The following GSDMC variants were observed in gnomAD, a reference collection of about 807,000 sequenced individuals.
The protein encoded by GSDMC is gasdermin C.
In GSDMC, 59 loss-of-function variants were observed where a neutral mutation model predicts 58.0. The observed-to-expected ratio is 1.02, with a 90% CI of 0.82 to 1.26. The LOEUF (loss-of-function observed/expected upper bound fraction) is 1.26. Among genes scored for constraint, GSDMC ranks in the 50% most tolerant of loss-of-function variants. The pLI, the probability that GSDMC is intolerant of heterozygous loss-of-function variation, is 0.00. For missense variants in GSDMC, 659 were observed against 598.5 expected, an observed-to-expected ratio of 1.10 and a Z score of -1.06; for synonymous variants, 241 against 220.2, an observed-to-expected ratio of 1.09 and a Z score of -0.83.
At chr8:129,769,851 T>C (rs2033992146) in intron 3 of GSDMC, among the ~76,000 whole-genome samples, 1 of 152,158 alleles carries the variant, frequency 6.6e-6, no homozygotes, top group Admixed American at 6.5e-5. Context: ...AAACAAAAGC[T>C]GAGGAAGTTC....
chr8:129,714,242 G>C, the GSDMC span, among the ~76,000 whole-genome samples: 1 of 152,216 alleles, frequency 6.6e-6, no homozygotes, highest in Non-Finnish European at 1.5e-5. Flanking sequence ...TGAGCTGCCA[G>C]TGCTGGGAGG....
chr8:129,752,830 G>A lies in GSDMC; in HGVS notation c.722-10C>T. On this transcript the variant is annotated splice_polypyrimidine_tract_variant and intron_variant, in intron 6 of 13. Transcript: ENST00000276708. Reference sequence around the variant, plus strand: ...TCGGAAATTTCGTACTCTTGGGAGAGAGGGAGAGCAGAATGACTGGGTAAC... The same window carrying A: ...TCGGAAATTTCGTACTCTTGGGAGAAAGGGAGAGCAGAATGACTGGGTAAC... 2 of 1,614,120 alleles carry A rather than the reference G, an allele frequency of 1.2e-6. No homozygotes were observed. Among genetic ancestry groups the A allele is most frequent in the Non-Finnish European group, 1.7e-6 (2 of 1,179,974 alleles).
the GSDMC span, among the ~76,000 whole-genome samples, chr8:129,713,420 G>A: frequency 1.3e-5 from 2 of 152,072 alleles, no homozygotes; most frequent in African/African-American, 2.4e-5. Context: ...AGGGAGGAAC[G>A]CCCTGTCTCA....
chr8:129,765,511 C>T, intron 4 of GSDMC, 117 bp downstream of exon 4: 1 of 765,768 alleles, frequency 1.3e-6, no homozygotes, highest in Non-Finnish European at 2.3e-6. Flanking sequence ...GAAATAATGA[C>T]TCCATCCCTT....
chr8:129,761,953 G>C (rs1173229621), intron 5 of GSDMC, among the ~76,000 whole-genome samples: 1 of 152,150 alleles, frequency 6.6e-6, no homozygotes, highest in Admixed American at 6.5e-5. Flanking sequence ...AGCTGAACTC[G>C]ATCTGTATTA....
chr8:129,776,163 A>C lies in GSDMC; in HGVS notation c.343T>G (p.Cys115Gly). 1 of 1,614,080 alleles carries C rather than the reference A, an allele frequency of 6.2e-7. No individual in the cohort carries two copies. Among genetic ancestry groups the C allele is most frequent in the Admixed American group, 1.7e-5 (1 of 60,020 alleles). Residue 115 changes from cysteine to glycine, a missense_variant, in exon 3 of 14, where the codon TGC becomes GGC. Transcript: ENST00000276708. ...VSGEASVDHG[C>G]SLEFQIVTIP... is the part of the protein sequence containing the mutation. ...GTAACAATTTGAAACTCGAGGGAGC[A>C]TCCATGGTCCACAGAGGCCTCCCCT...
chr8:129,764,632 A>G (rs1586597331), intron 4 of GSDMC, among the ~76,000 whole-genome samples: 1 of 152,314 alleles, frequency 6.6e-6, no homozygotes, highest in Non-Finnish European at 1.5e-5. Flanking sequence ...AGAGGTGGGA[A>G]GGGATTTGGG....
chr8:129,749,928 T>A (rs1334435594), intron 12 of GSDMC, 62 bp downstream of exon 12: 1 of 1,419,070 alleles, frequency 7.0e-7, no homozygotes, highest in African/African-American at 1.4e-5. Flanking sequence ...CTAACACAGC[T>A]TTTTGCGGGT....
At chr8:129,735,164 G>A in the GSDMC span, among the ~76,000 whole-genome samples, 1 of 152,102 alleles carries the variant, frequency 6.6e-6, no homozygotes, top group Non-Finnish European at 1.5e-5. Flanking sequence ...AGCAAGTCCT[G>A]AGTGACCTAC....
At chr8:129,776,959 AG>A (rs1267118055) in intron 2 of GSDMC, among the ~76,000 whole-genome samples, 1 of 151,262 alleles carries the variant, frequency 6.6e-6, no homozygotes, top group Non-Finnish European at 1.5e-5. Context: ...TAATAGAGAC[AG>A]GGTTTCAGCA....
intron 9 of GSDMC, 34 bp downstream of exon 9, chr8:129,751,828 T>TCCCCACCCC: frequency 1.9e-6 from 3 of 1,576,992 alleles, no homozygotes; most frequent in Non-Finnish European, 2.6e-6. Flanking sequence ...CAGGATGGGA[T>TCCCCACCCC]CCCCACCCCC....
chr8:129,730,195 T>C, the GSDMC span: 1 of 1,201,808 alleles, frequency 8.3e-7, no homozygotes, highest in Non-Finnish European at 1.1e-6. Flanking sequence ...CTGTACAACA[T>C]GTATCTAGAA....
chr8:129,776,763 TG>T (rs2034243294), intron 2 of GSDMC, among the ~76,000 whole-genome samples: 1 of 151,892 alleles, frequency 6.6e-6, no homozygotes, highest in South Asian at 2.1e-4. Context: ...TTGTTGTTTT[TG>T]TTGTTGTTGT....
At chr8:129,723,598 T>C in the GSDMC span, among the ~76,000 whole-genome samples, 2 of 152,116 alleles carry the variant, frequency 1.3e-5, no homozygotes, top group Non-Finnish European at 2.9e-5. Flanking sequence ...TTGGGAAACC[T>C]AGTGAATTTT....
chr8:129,730,432 C>T, the GSDMC span: 6 of 1,121,048 alleles, frequency 5.4e-6, no homozygotes, highest in Middle Eastern at 2.3e-4. Context: ...GAAATTATTT[C>T]CCAAAAAGTT....
intron 3 of GSDMC, among the ~76,000 whole-genome samples, chr8:129,775,021 C>T: frequency 6.6e-6 from 1 of 152,114 alleles, no homozygotes. Context: ...CTTCAAAAAA[C>T]TAAAACTAGA....
At chr8:129,763,699 C>A (rs1251100797) in intron 4 of GSDMC, among the ~76,000 whole-genome samples, 1 of 152,170 alleles carries the variant, frequency 6.6e-6, no homozygotes, top group African/African-American at 2.4e-5. Flanking sequence ...ACCTCAGCCT[C>A]CCAAGTAGCT....
the GSDMC span, among the ~76,000 whole-genome samples, chr8:129,723,985 T>A: frequency 4.0e-4 from 61 of 152,350 alleles, no homozygotes; most frequent in South Asian, 0.013. Context: ...TTAATTAATA[T>A]GTGGGCACAA....
At chr8:129,751,699 C>A in intron 9 of GSDMC, 131 bp from the exon 10 acceptor site, 1 of 1,099,752 alleles carries the variant, frequency 9.1e-7, no homozygotes, top group Non-Finnish European at 1.4e-6. Context: ...CATTCCCATT[C>A]ATCCTCCATG....
Sources: gnomAD v4.1 joint callset for allele counts (sites outside exome capture counted in the v4.1 genomes callset) on GRCh38, gnomAD v4.1.1 for gene constraint, MANE v1.5 for transcripts, NCBI Gene and HGNC (gene_info 2026-07-23, HGNC 2026-07-21) for gene names.